Variants in ELP3 observed in about 807,000 individuals in gnomAD.
ELP3 encodes the protein elongator acetyltransferase complex subunit 3.
ELP3 carries 56 observed loss-of-function variants against 74.9 expected under a neutral mutation model. The observed-to-expected ratio is 0.75, with a 90% confidence interval of 0.60 to 0.93. The LOEUF is 0.93. Among genes scored for constraint, ELP3 ranks in the 40% least tolerant of loss-of-function variants. The pLI is 0.00. For missense variants in ELP3, 573 were observed against 686.5 expected, an observed-to-expected ratio of 0.83 and a Z score of 1.85; for synonymous variants, 222 against 239.8, an observed-to-expected ratio of 0.93 and a Z score of 0.68.
At chr8:28,171,830 T>G (rs1244547240) in intron 14 of ELP3, among the ~76,000 whole-genome samples, 2 of 152,172 alleles carry the variant, frequency 1.3e-5, no homozygotes. Context: ...GAGTTCATTT[T>G]TGTATATGAT....
In ELP3 at chr8:28,153,831, G is replaced by T. The variant is rs115330057; in HGVS notation, c.1101-2111G>T. Among the ~76,000 whole-genome samples, 392 of 152,214 alleles carry T rather than the reference G, an allele frequency of 2.6e-3. 3 individuals carry two copies. Among genetic ancestry groups the T allele is most frequent in the African/African-American group, 9.0e-3 (374 of 41,504 alleles). On this transcript the variant is annotated intron_variant, in intron 10 of 14. Transcript: ENST00000256398. ...TTAAGGGTTTGAGATTTTTTAATTG[G>T]TTTTTGGTGCATTGGGTAATTAACT...
At position 28,177,215 on chromosome 8, in the gene ELP3, C is replaced by T. The variant is rs180841150; in HGVS notation, c.1568-12434C>T. Among the ~76,000 whole-genome samples, 244 of 151,992 alleles carry T rather than the reference C, an allele frequency of 1.6e-3. 2 individuals are homozygous for T. The highest frequency in any genetic ancestry group is 0.01 in the Middle Eastern group (3 of 294). ...AAGAACTAAGATTATACATGGGTAA[C>T]CTTTGTATGATTTTTTTTTTAATAG... On this transcript the variant is annotated intron_variant, in intron 14 of 14. Transcript: ENST00000256398.
At chr8:28,188,001 C>T (rs1815307346) in intron 14 of ELP3, among the ~76,000 whole-genome samples, 1 of 152,106 alleles carries the variant, frequency 6.6e-6, no homozygotes. Flanking sequence ...GAGGAAGCAG[C>T]AAAGGAGACT....
intron 10 of ELP3, among the ~76,000 whole-genome samples, chr8:28,151,057 G>A (rs549452491): frequency 2.4e-4 from 36 of 152,148 alleles, no homozygotes; most frequent in Non-Finnish European, 4.3e-4. Context: ...TTATAGGTGT[G>A]AGCCACCGTA....
chr8:28,101,594 T>TC (rs1811490167), intron 3 of ELP3, among the ~76,000 whole-genome samples: 1 of 151,304 alleles, frequency 6.6e-6, no homozygotes, highest in East Asian at 1.9e-4. Flanking sequence ...GACTTTCTTT[T>TC]TTTTTTTTTT....
chr8:28,113,762 CAA>C (rs1812014407), intron 7 of ELP3: 1 of 152,062 alleles, frequency 6.6e-6, no homozygotes. Flanking sequence ...CGGCAAAAGA[CAA>C]GAGAAACAAA....
At chr8:28,165,045 A>T (rs1430922175) in intron 14 of ELP3, among the ~76,000 whole-genome samples, 1 of 151,892 alleles carries the variant, frequency 6.6e-6, no homozygotes, top group South Asian at 2.1e-4. Context: ...ACTGATTTGG[A>T]TGGGAGTGGG....
rs150536379 is a variant in ELP3 at position 28,158,572 on chromosome 8, G to A, written c.1196G>A (p.Arg399Gln). The change falls in exon 12 of 15, where the codon CGA becomes CAA. Residue 399 changes from arginine to glutamine, a missense_variant. Coordinates refer to ENST00000256398, the MANE Select transcript of ELP3 (RefSeq NM_018091.6). ...ARMKDLGIQC[R>Q]DVRTREVGIQ... The stretch of plus-strand genomic sequence containing the variant: ...CACGCCATTTTTTTTTGACAGTGTC[G>A]AGATGTGAGAACCAGAGAAGTTGGA... The A allele has an allele frequency of 9.9e-5, 159 of 1,605,844 alleles. 1 individual carries two copies. Among genetic ancestry groups the A allele is most frequent in the Admixed American group, 2.0e-4 (12 of 58,688 alleles).
At chr8:28,106,259 G>A (rs182506274) in intron 3 of ELP3, among the ~76,000 whole-genome samples, 12 of 152,188 alleles carry the variant, frequency 7.9e-5, no homozygotes, top group Non-Finnish European at 1.6e-4. Context: ...ATACAGCCTC[G>A]GCCGGGCGCG....
chr8:28,137,601 A>T lies in ELP3; in HGVS notation c.907-97A>T, dbSNP rs1585692412. ...AGAAGCAAAGGCTGCCCCAGGGCCT[A>T]CTGGGTGTGCCAGAGAAGCTGTCAG... is the stretch of plus-strand genomic sequence containing the variant. On this transcript the variant is annotated intron_variant, in intron 9 of 14. Coordinates refer to ENST00000256398, the MANE Select transcript of ELP3 (RefSeq NM_018091.6). 65 of 1,217,500 alleles carry T rather than the reference A, an allele frequency of 5.3e-5. No individual in the cohort carries two copies. The East Asian group carries it at 1.5e-3, about 28-fold the overall frequency. 75.4% of individuals were successfully genotyped at this position (1,217,500 alleles called of 1,614,324 possible). A position where few individuals can be genotyped will look rare whatever the true frequency, so the allele number is the denominator to read the frequency against.
In ELP3 at chr8:28,182,200, T is replaced by C. The variant is rs1380815455; in HGVS notation, c.1568-7449T>C. ...TCAGGTACCACACAGACTGGCTTAC[T>C]CTATCTCCCCACTCTTTCCCCTACA... is the stretch of plus-strand genomic sequence containing the variant. On this transcript the variant is annotated intron_variant, in intron 14 of 14. Transcript: ENST00000256398. Among the ~76,000 whole-genome samples the C allele has an allele frequency of 2.0e-5, 3 of 151,420 alleles. No individual in the cohort carries two copies. In the East Asian group the frequency reaches 5.9e-4, roughly 30 times the overall value.
intron 11 of ELP3, 94 bp from the exon 12 acceptor site, chr8:28,158,474 G>A: frequency 1.1e-6 from 1 of 885,496 alleles, no homozygotes; most frequent in Non-Finnish European, 1.9e-6. Flanking sequence ...TTGGTGGAGA[G>A]GTTTAAATAA....
chr8:28,138,145 C>T (rs1813068941), intron 10 of ELP3, among the ~76,000 whole-genome samples: 1 of 152,164 alleles, frequency 6.6e-6, no homozygotes, highest in Non-Finnish European at 1.5e-5. Context: ...AGGCATGGTG[C>T]TTGCTTCCGA....
At chr8:28,181,930 T>C (rs1815026251) in intron 14 of ELP3, among the ~76,000 whole-genome samples, 1 of 151,422 alleles carries the variant, frequency 6.6e-6, no homozygotes, top group Non-Finnish European at 1.5e-5. Flanking sequence ...CCCTCTAACT[T>C]TATAGTCACT....
intron 14 of ELP3, among the ~76,000 whole-genome samples, chr8:28,172,650 G>A (rs958055984): frequency 1.3e-5 from 2 of 151,876 alleles, no homozygotes; most frequent in African/African-American, 4.8e-5. Context: ...TCTTATTCTT[G>A]CCTAATTCCT....
At chr8:28,096,664 T>C (rs531695698) in intron 1 of ELP3, among the ~76,000 whole-genome samples, 13 of 152,354 alleles carry the variant, frequency 8.5e-5, no homozygotes, top group Non-Finnish European at 1.0e-4. Context: ...AAGTTCATGA[T>C]GGTGGACAGA....
At position 28,093,244 on chromosome 8, in the gene ELP3, G is replaced by T; in HGVS notation, c.19+11G>T. Reference sequence around the variant, plus strand: ...GGCAGAAGCGGAAAGGTGCGAAAGGGGAAGGAGATGGGGGAAAGGGGTGGT... The same window carrying T: ...GGCAGAAGCGGAAAGGTGCGAAAGGTGAAGGAGATGGGGGAAAGGGGTGGT... On this transcript the variant is annotated intron_variant, in intron 1 of 14. Transcript: ENST00000256398. 3.7e-6 allele frequency: 6 copies of T among 1,613,218 alleles called. No individual in the cohort carries two copies.
intron 10 of ELP3, among the ~76,000 whole-genome samples, chr8:28,139,806 G>A (rs539274818): frequency 4.6e-5 from 7 of 152,160 alleles, no homozygotes; most frequent in Non-Finnish European, 1.0e-4. Context: ...ATGGCCAGAC[G>A]TGGTGGCAGG....
intron 14 of ELP3, among the ~76,000 whole-genome samples, chr8:28,175,731 A>ACT (rs1814720903): frequency 6.6e-6 from 1 of 151,616 alleles, no homozygotes; most frequent in Non-Finnish European, 1.5e-5. Flanking sequence ...CAATTAGTAT[A>ACT]ATGTGGTAAC....
Sources: allele counts gnomAD v4.1 joint callset (sites outside exome capture counted in the v4.1 genomes callset), GRCh38; gene constraint gnomAD v4.1.1; transcripts MANE v1.5; gene names NCBI Gene and HGNC (gene_info 2026-07-23, HGNC 2026-07-21).